ZNF846: variants seen among roughly 807,000 people sequenced by gnomAD.
The protein encoded by ZNF846 is zinc finger protein 420 pseudogene.
A neutral mutation model predicts 16.0 loss-of-function variants in ZNF846; 15 were observed. The ratio of observed to expected loss-of-function variants is 0.94; its 90% CI spans 0.63 to 1.45. ZNF846 has a LOEUF of 1.45. ZNF846 is among the 40% of genes most tolerant of loss of function. ZNF846 has a pLI of 0.00. For missense variants in ZNF846, 714 were observed against 622.3 expected (o/e 1.15, Z -1.57); for synonymous variants, 229 against 212.0 (o/e 1.08, Z -0.70).
intron 1 of ZNF846, among the ~76,000 whole-genome samples, chr19:9,776,047 T>C (rs1313440230): frequency 2.6e-5 from 4 of 152,246 alleles, no homozygotes; most frequent in Non-Finnish European, 5.9e-5. Flanking sequence ...CCTTCTGTTA[T>C]GCCCAGACAG....
chr19:9,760,270 C>A (rs758716871), intron 4 of ZNF846, among the ~76,000 whole-genome samples: 11 of 146,204 alleles, frequency 7.5e-5, no homozygotes, highest in Non-Finnish European at 1.5e-4. Context: ...CCAGCCTGGG[C>A]TACAGAGCAA....
At position 9,760,022 on chromosome 19, in the gene ZNF846, T is replaced by C. The variant is rs181668109; in HGVS notation, c.230-80A>G. On this transcript the variant is annotated intron_variant, in intron 4 of 5. Transcript: ENST00000397902. ...TAAAAGCCTATGGGGCTGGGCGTGG[T>C]GGCTCACACCTGTAATCCTAGCACT... 8.0e-4 allele frequency: 838 copies of C among 1,050,790 alleles called. 7 individuals carry two copies. The East Asian group carries it at 0.017, about 22-fold the overall frequency. The allele number at this position is 1,050,790 out of a possible 1,614,324, so 65.1% of individuals were successfully genotyped here. A position where few individuals can be genotyped will look rare whatever the true frequency, so the allele number is the denominator to read the frequency against.
intron 1 of ZNF846, among the ~76,000 whole-genome samples, chr19:9,767,003 T>A (rs1251814620): frequency 6.6e-6 from 1 of 152,078 alleles, no homozygotes; most frequent in African/African-American, 2.4e-5. Context: ...TTTATTTTTT[T>A]TTTTGTAGAG....
chr19:9,772,381 C>T (rs1018722237), upstream of ZNF846, among the ~76,000 whole-genome samples: 2 of 151,732 alleles, frequency 1.3e-5, no homozygotes, highest in Non-Finnish European at 2.9e-5. Context: ...GAGTGGGTCA[C>T]CTGAGGTCAG....
chr19:9,775,344 T>G (rs1045725950), intron 1 of ZNF846, among the ~76,000 whole-genome samples: 4 of 151,940 alleles, frequency 2.6e-5, no homozygotes, highest in African/African-American at 9.7e-5. Context: ...AAAGTGACAA[T>G]GCCCTACAGA....
At chr19:9,758,409 T>A (rs1332750999) in exon 6 of ZNF846, 1 of 1,613,120 alleles carries the variant, frequency 6.2e-7, no homozygotes, top group East Asian at 2.2e-5. Flanking sequence ...ATAGTGTTTG[T>A]CTCCATTGTG....
At chr19:9,769,314 C>A (rs1011177788), upstream of ZNF846, among the ~76,000 whole-genome samples, 6 of 151,948 alleles carry the variant, frequency 3.9e-5, no homozygotes, top group Non-Finnish European at 1.5e-5. Flanking sequence ...ACTCCTGAGC[C>A]TAAAGGATCC....
At chr19:9,763,144 CAAA>C (rs60184154) in intron 3 of ZNF846, 135 bp downstream of exon 3, 2,564 of 557,920 alleles carry the variant, frequency 4.6e-3, no homozygotes, top group South Asian at 9.9e-3. Context: ...GACTGTGTCT[CAAA>C]AAAAAAAAAA....
chr19:9,759,564 T>C (rs985036804), intron 5 of ZNF846, among the ~76,000 whole-genome samples: 6 of 151,652 alleles, frequency 4.0e-5, no homozygotes, highest in Middle Eastern at 3.2e-3. Context: ...GACTGCACCA[T>C]TGCACACCAG....
At chr19:9,767,786 T>C (rs987953883) in intron 1 of ZNF846, among the ~76,000 whole-genome samples, 2 of 151,872 alleles carry the variant, frequency 1.3e-5, no homozygotes, top group Non-Finnish European at 1.5e-5. Context: ...AATGCAAAAT[T>C]AGCCGGGCGT....
intron 1 of ZNF846, among the ~76,000 whole-genome samples, chr19:9,784,459 T>A (rs2045537947): frequency 6.6e-6 from 1 of 152,226 alleles, no homozygotes; most frequent in Admixed American, 6.5e-5. Context: ...CCTCCAGCCA[T>A]AAGGCGGTTT....
In ZNF846 at chr19:9,758,724, T is replaced by A. The variant is rs376309466; in HGVS notation, c.353A>T (p.His118Leu). The change falls in exon 6 of 6, where the codon CAT (histidine) becomes CTT (leucine). Residue 118 changes from histidine to leucine, a missense_variant. Physicochemically the swap from His to Leu is moderately conservative, Grantham distance 99. Transcript: ENST00000397902. ...GTGTTCATTGAAGACTTTTCCAGAA[T>A]GGTTAGAGTCATACAGTTTCTCTGC... 34 of 1,599,220 alleles carry A rather than the reference T, an allele frequency of 2.1e-5. No homozygotes were observed. Among genetic ancestry groups the A allele is most frequent in the Non-Finnish European group, 2.0e-5 (23 of 1,171,886 alleles).
At chr19:9,784,770 C>A (rs1049635882) in intron 1 of ZNF846, among the ~76,000 whole-genome samples, 2 of 152,044 alleles carry the variant, frequency 1.3e-5, no homozygotes, top group East Asian at 3.9e-4. Flanking sequence ...CCTGGGTAAC[C>A]GAGAATGGAG....
intron 4 of ZNF846, among the ~76,000 whole-genome samples, chr19:9,760,385 A>G (rs938652990): frequency 6.6e-6 from 1 of 151,552 alleles, no homozygotes; most frequent in East Asian, 1.9e-4. Context: ...TATGACTAAT[A>G]AGTTCAGAAA....
downstream of ZNF846, among the ~76,000 whole-genome samples, chr19:9,753,307 A>G (rs1024471998): frequency 2.0e-5 from 3 of 151,006 alleles, no homozygotes; most frequent in African/African-American, 7.4e-5. Context: ...GCTGGAATGC[A>G]GTGGTGTGAT....
chr19:9,749,054 G>A (rs1458277856), downstream of ZNF846, among the ~76,000 whole-genome samples: 1 of 152,046 alleles, frequency 6.6e-6, no homozygotes, highest in African/African-American at 2.4e-5. Context: ...CCACCTGCAG[G>A]ACCCTCCCCA....
chr19:9,756,503 C>T (rs547677392), downstream of ZNF846: 111 of 150,778 alleles, frequency 7.4e-4, 6 homozygotes, highest in Middle Eastern at 3.4e-3. Flanking sequence ...GAGTTTCTCT[C>T]CAACGCATGT....
chr19:9,762,499 A>T (rs1378767323), intron 3 of ZNF846: 6 of 219,822 alleles, frequency 2.7e-5, no homozygotes, highest in Non-Finnish European at 5.5e-5. Flanking sequence ...TTAGCAGGGC[A>T]TGCTGGCACA....
chr19:9,758,894 G>C, intron 5 of ZNF846, 130 bp from the exon 6 acceptor site: 1 of 755,736 alleles, frequency 1.3e-6, no homozygotes, highest in Non-Finnish European at 1.9e-6. Flanking sequence ...TATGTACAGA[G>C]TTCCAGCCCC....
Sources: gnomAD v4.1 joint callset for allele counts (sites outside exome capture counted in the v4.1 genomes callset) on GRCh38, gnomAD v4.1.1 for gene constraint, MANE v1.5 for transcripts, NCBI Gene and HGNC (gene_info 2026-07-23, HGNC 2026-07-21) for gene names.